Variants in PHF14 observed in about 807,000 individuals in gnomAD.
The protein encoded by PHF14 is PHD finger protein 14.
PHF14 carries 55 observed loss-of-function variants against 117.9 expected under a neutral mutation model. The ratio of observed to expected loss-of-function variants is 0.47; its 90% CI spans 0.38 to 0.58. The LOEUF is 0.58. Ranked by LOEUF, PHF14 falls within the 20% of genes least tolerant of loss-of-function variation. PHF14 has a pLI of 0.00. For missense variants in PHF14, 978 were observed against 1,122.2 expected (o/e 0.87, Z 1.84); for synonymous variants, 409 against 368.6 (o/e 1.11, Z -1.26).
intron 16 of PHF14, among the ~76,000 whole-genome samples, chr7:11,092,706 TTG>T (rs1339931678): frequency 6.6e-6 from 1 of 152,144 alleles, no homozygotes; most frequent in Non-Finnish European, 1.5e-5. Context: ...TCTTTTTTTT[TTG>T]TTCTAATGTG....
rs1337379911 is a variant in PHF14 at position 11,006,832 on chromosome 7, A to T, written c.1046-6915A>T. The T allele has an allele frequency of 4.3e-6, 3 of 694,780 alleles. No homozygotes were observed. In the East Asian group the frequency reaches 8.9e-5, roughly 21 times the overall value. The allele number at this position is 694,780 out of a possible 1,614,324, so 43.0% of individuals were successfully genotyped here. A position where few individuals can be genotyped will look rare whatever the true frequency, so the allele number is the denominator to read the frequency against. On this transcript the variant is annotated intron_variant, in intron 4 of 17. Transcript: ENST00000634607. ...AAGCCTTCGGTTTGGCTTCAGCTTT[A>T]GGAGGGACAGGAGCTTCCTTCACTT...
At chr7:11,029,515 T>G (rs1258948516) in intron 7 of PHF14, among the ~76,000 whole-genome samples, 1 of 152,172 alleles carries the variant, frequency 6.6e-6, no homozygotes, top group Non-Finnish European at 1.5e-5. Context: ...ATCTAGACAT[T>G]AGTATGTAAA....
In PHF14 at chr7:11,036,872, T is replaced by C. The variant is rs146448538; in HGVS notation, c.1874-113T>C. 90 of 947,018 alleles carry C rather than the reference T, an allele frequency of 9.5e-5. No homozygotes were observed. In the East Asian group the frequency reaches 2.4e-3, roughly 25 times the overall value. 58.7% of individuals were successfully genotyped at this position (947,018 alleles called of 1,614,324 possible). On this transcript the variant is annotated intron_variant, in intron 9 of 17. Coordinates refer to ENST00000634607, the MANE Select transcript of PHF14 (RefSeq NM_001007157.2). Reference sequence around the variant, plus strand: ...TAGGTTCATTTATTTGTAAATATACTTAAAAGTTTTAAACTATGTAGGTTT... The same window carrying C: ...TAGGTTCATTTATTTGTAAATATACCTAAAAGTTTTAAACTATGTAGGTTT...
Position 11,126,941 on chromosome 7 carries a change from T to C in PHF14, c.2772+15474T>C, listed in dbSNP as rs531268437. ...TTAACAGACCACTCTTACGTTTTTA[T>C]TGTGATTTAAGTAAATTTTGCTCTT... is the stretch of plus-strand genomic sequence containing the variant. On this transcript the variant is annotated intron_variant, in intron 17 of 17. Transcript: ENST00000634607. Among the ~76,000 whole-genome samples, 5 of 152,080 alleles carry C rather than the reference T, an allele frequency of 3.3e-5. No homozygotes were observed. In the South Asian group the frequency reaches 8.3e-4, roughly 25 times the overall value.
chr7:11,081,399 A>T (rs1345420731), intron 16 of PHF14, among the ~76,000 whole-genome samples: 1 of 152,212 alleles, frequency 6.6e-6, no homozygotes, highest in African/African-American at 2.4e-5. Context: ...TAATAGTGAA[A>T]AATATTTGGA....
At chr7:11,163,710 T>C (rs28693384) in intron 17 of PHF14, among the ~76,000 whole-genome samples, 2,680 of 152,292 alleles carry the variant, frequency 0.018, 74 homozygotes, top group African/African-American at 0.061. Flanking sequence ...TTCATTATCG[T>C]CAGTATTTTC....
chr7:11,128,694 C>G (rs920588734), intron 17 of PHF14, among the ~76,000 whole-genome samples: 5 of 151,642 alleles, frequency 3.3e-5, no homozygotes, highest in African/African-American at 9.7e-5. Flanking sequence ...ATCAGTCTCT[C>G]TCTCTCCCCC....
intron 14 of PHF14, among the ~76,000 whole-genome samples, chr7:11,054,679 A>C (rs957702489): frequency 5.3e-5 from 8 of 152,120 alleles, no homozygotes; most frequent in African/African-American, 1.9e-4. Context: ...CAGGCATACA[A>C]CAGCTTACTA....
chr7:11,074,735 A>G (rs958105712), intron 16 of PHF14, among the ~76,000 whole-genome samples: 7 of 152,224 alleles, frequency 4.6e-5, no homozygotes, highest in African/African-American at 1.7e-4. Context: ...TCCAGTTCCC[A>G]ATAAGTTCTT....
chr7:11,075,549 A>G (rs992906100), intron 16 of PHF14, among the ~76,000 whole-genome samples: 2 of 142,898 alleles, frequency 1.4e-5, no homozygotes, highest in Non-Finnish European at 3.0e-5. Flanking sequence ...ACTCATTCCC[A>G]TGGGAAGGAA....
chr7:11,094,382 T>C (rs1211497136), intron 16 of PHF14, among the ~76,000 whole-genome samples: 2 of 152,210 alleles, frequency 1.3e-5, no homozygotes, highest in Admixed American at 1.3e-4. Context: ...ACTAGAGTTG[T>C]TCTGCACTCC....
intron 13 of PHF14, among the ~76,000 whole-genome samples, chr7:11,047,788 A>C (rs1009247476): frequency 7.5e-5 from 11 of 147,184 alleles, no homozygotes; most frequent in Admixed American, 1.4e-4. Flanking sequence ...TCTGTCTCAC[A>C]AAAAGACAGA....
intron 16 of PHF14, chr7:11,103,246 T>A (rs1053679021): frequency 1.1e-6 from 1 of 903,682 alleles, no homozygotes; most frequent in South Asian, 5.1e-5. Flanking sequence ...AATAAAGATA[T>A]ATCTGTGTTG....
chr7:10,992,733 C>T (rs1379854851), intron 4 of PHF14, among the ~76,000 whole-genome samples: 2 of 152,144 alleles, frequency 1.3e-5, no homozygotes, highest in Admixed American at 6.5e-5. Context: ...AGGAAGTTAG[C>T]ATTGATGAAA....
At chr7:11,161,737 T>A (rs1248296106) in intron 17 of PHF14, among the ~76,000 whole-genome samples, 1 of 148,330 alleles carries the variant, frequency 6.7e-6, no homozygotes, top group Non-Finnish European at 1.5e-5. Flanking sequence ...TATTATATTT[T>A]ATTTAAATAA....
intron 14 of PHF14, among the ~76,000 whole-genome samples, chr7:11,057,148 G>A (rs898635408): frequency 2.6e-5 from 4 of 152,088 alleles, no homozygotes; most frequent in African/African-American, 4.8e-5. Context: ...GTGAATATGT[G>A]AAGCCTAGTT....
intron 16 of PHF14, chr7:11,105,758 G>C: frequency 1.0e-6 from 1 of 984,760 alleles, no homozygotes; most frequent in Non-Finnish European, 1.2e-6. Flanking sequence ...CTGTAGGCCT[G>C]CCGATAAGAT....
chr7:11,106,359 G>A (rs2128342478), intron 16 of PHF14: 1 of 979,324 alleles, frequency 1.0e-6, no homozygotes, highest in Non-Finnish European at 1.2e-6. Context: ...AATGAAATAG[G>A]TTCAAGCCCT....
At chr7:11,136,296 T>G (rs1788218923) in intron 17 of PHF14, among the ~76,000 whole-genome samples, 1 of 152,142 alleles carries the variant, frequency 6.6e-6, no homozygotes, top group Non-Finnish European at 1.5e-5. Context: ...TTTTTCAAGA[T>G]GCAAACTGAA....
Sources: gnomAD v4.1 joint callset for allele counts (sites outside exome capture counted in the v4.1 genomes callset) on GRCh38, gnomAD v4.1.1 for gene constraint, MANE v1.5 for transcripts, NCBI Gene and HGNC (gene_info 2026-07-23, HGNC 2026-07-21) for gene names.